ESR1: variants seen among roughly 807,000 people sequenced by gnomAD.
The protein encoded by ESR1 is estrogen receptor 1.
In ESR1, 12 loss-of-function variants were observed where a neutral mutation model predicts 52.7. The ratio of observed to expected loss-of-function variants is 0.23; its 90% CI spans 0.15 to 0.37. The LOEUF (loss-of-function observed/expected upper bound fraction) is 0.37. Among genes scored for constraint, ESR1 ranks in the 10% least tolerant of loss-of-function variants. The probability of loss-of-function intolerance (pLI) is 1.00; values close to 1 mark genes in which losing one functional copy is unlikely to be tolerated. For missense variants in ESR1, 584 were observed against 779.7 expected (o/e 0.75, Z 2.99); for synonymous variants, 305 against 316.8 (o/e 0.96, Z 0.39).
chr6:151,996,984 A>G (rs905099183), intron 4 of ESR1, among the ~76,000 whole-genome samples: 1 of 152,060 alleles, frequency 6.6e-6, no homozygotes, highest in African/African-American at 2.4e-5. Context: ...GTGTTATTCT[A>G]CTACTTCATC....
intron 5 of ESR1, among the ~76,000 whole-genome samples, chr6:152,027,306 G>A (rs919294766): frequency 1.9e-4 from 29 of 150,406 alleles, no homozygotes; most frequent in African/African-American, 6.9e-4. Flanking sequence ...TACATTATTA[G>A]AAGTTATAAT....
At chr6:151,911,444 TTC>T (rs1196623826) in intron 3 of ESR1, among the ~76,000 whole-genome samples, 10 of 152,218 alleles carry the variant, frequency 6.6e-5, no homozygotes, top group Non-Finnish European at 2.9e-5. Flanking sequence ...AGTTTTATAA[TTC>T]TGTTTTATTC....
intron 4 of ESR1, among the ~76,000 whole-genome samples, chr6:151,945,115 G>C (rs992748832): frequency 6.6e-6 from 1 of 152,100 alleles, no homozygotes; most frequent in Non-Finnish European, 1.5e-5. Context: ...TTATGGGGGA[G>C]GCCGAGGTGA....
chr6:151,861,969 T>C (rs1788973096), intron 2 of ESR1, among the ~76,000 whole-genome samples: 1 of 152,146 alleles, frequency 6.6e-6, no homozygotes, highest in African/African-American at 2.4e-5. Context: ...GAGAAAATGA[T>C]GTTATTATAA....
At chr6:151,804,469 C>T (rs1777580532), upstream of ESR1, 1 of 152,118 alleles carries the variant, frequency 6.6e-6, no homozygotes. Context: ...ACAGGAGGCA[C>T]CACTGTCACC....
At chr6:151,666,116 A>G (rs1777813365) in intron 1 of ESR1, among the ~76,000 whole-genome samples, 1 of 152,224 alleles carries the variant, frequency 6.6e-6, no homozygotes, top group Admixed American at 6.5e-5. Context: ...TTCATAAGTA[A>G]CTGGCATTCT....
rs79907805 is a variant in ESR1, at chr6:152,000,875, C to T, written c.1097-10781C>T. Among the ~76,000 whole-genome samples the T allele has an allele frequency of 7.9e-3, 1,201 of 151,998 alleles. 19 individuals carry two copies. Among genetic ancestry groups the T allele is most frequent in the African/African-American group, 0.027 (1,131 of 41,466 alleles). ...CAAGAGGCTTTGCAATCTTGAAGAC[C>T]GAATACATTTTTACTACTAAATGTA... On this transcript the variant is annotated intron_variant, in intron 4 of 7. Transcript: ENST00000206249.
chr6:151,998,721 A>G (rs9340952), intron 4 of ESR1, among the ~76,000 whole-genome samples: 358 of 152,246 alleles, frequency 2.4e-3, no homozygotes, highest in African/African-American at 7.5e-3. Context: ...GTTAATTCTC[A>G]TATGTTTGGT....
chr6:151,741,383 G>A (rs959354924), intron 2 of ESR1, among the ~76,000 whole-genome samples: 9 of 151,976 alleles, frequency 5.9e-5, no homozygotes, highest in East Asian at 3.9e-4. Flanking sequence ...GCTCTCTACC[G>A]AGGAGCGCAT....
chr6:151,686,423 C>T (rs529893375), upstream of ESR1, among the ~76,000 whole-genome samples: 28 of 152,238 alleles, frequency 1.8e-4, no homozygotes, highest in African/African-American at 6.0e-4. Flanking sequence ...CAGTGGCTCA[C>T]GCCTGTAATC....
At chr6:152,026,970 CTTT>C (rs34385133) in intron 5 of ESR1, among the ~76,000 whole-genome samples, 1 of 145,752 alleles carries the variant, frequency 6.9e-6, no homozygotes, top group African/African-American at 2.5e-5. Context: ...ATTCTTTTCT[CTTT>C]TTTTTTTTTT....
At chr6:151,957,788 C>G (rs1363852767) in intron 4 of ESR1, among the ~76,000 whole-genome samples, 1 of 152,194 alleles carries the variant, frequency 6.6e-6, no homozygotes, top group African/African-American at 2.4e-5. Context: ...CCACATATTA[C>G]AGAAAACCCC....
At position 152,111,353 on chromosome 6, in the gene ESR1, A is replaced by G. The variant is rs373791969; in HGVS notation, c.851-13913A>G. The stretch of plus-strand genomic sequence containing the variant: ...AGGCCAGGCTGGGTGCCTGGGATGC[A>G]CTCCAAAGTGGCAGACGCTAGGCCG... On this transcript the variant is annotated intron_variant, in intron 6 of 6. Transcript: ENST00000427531. Among the ~76,000 whole-genome samples the G allele has an allele frequency of 3.3e-5, 5 of 152,284 alleles. No individual in the cohort carries two copies. The East Asian group carries it at 9.7e-4, about 29-fold the overall frequency.
Position 151,808,371 on chromosome 6 carries a change from G to A in ESR1, c.452+7G>A, listed in dbSNP as rs753679333. On this transcript the variant is annotated splice_region_variant and intron_variant, in intron 1 of 7. Coordinates refer to ENST00000206249, the MANE Select transcript of ESR1 (RefSeq NM_000125.4). ...GCCCGCCGGCATTCTACAGGTACCC[G>A]CGCCCGCGCCGCCCGTCGGGGTGGC... 2 of 1,264,384 alleles carry A rather than the reference G, an allele frequency of 1.6e-6. No individual in the cohort carries two copies. The highest frequency in any genetic ancestry group is 2.0e-6 in the Non-Finnish European group (2 of 991,648). The allele number at this position is 1,264,384 out of a possible 1,614,324, so 78.3% of individuals were successfully genotyped here. A position where few individuals can be genotyped will look rare whatever the true frequency, so the allele number is the denominator to read the frequency against.
At chr6:151,717,061 C>T (rs1195631368) in intron 2 of ESR1, among the ~76,000 whole-genome samples, 6 of 152,176 alleles carry the variant, frequency 3.9e-5, no homozygotes, top group Admixed American at 1.3e-4. Context: ...GGCAGGAGTG[C>T]ACCGTTCCTT....
intron 4 of ESR1, among the ~76,000 whole-genome samples, chr6:151,998,719 T>A (rs2041705502): frequency 6.6e-6 from 1 of 152,170 alleles, no homozygotes. Context: ...GAGTTAATTC[T>A]CATATGTTTG....
chr6:151,955,104 C>T (rs138524250), intron 4 of ESR1, among the ~76,000 whole-genome samples: 222 of 152,228 alleles, frequency 1.5e-3, no homozygotes, highest in African/African-American at 5.0e-3. Context: ...AGAGATCTAC[C>T]TAAATAGATT....
intron 6 of ESR1, among the ~76,000 whole-genome samples, chr6:152,087,364 C>CA (rs1393118634): frequency 5.3e-5 from 8 of 152,178 alleles, no homozygotes; most frequent in Admixed American, 3.9e-4. Context: ...CCTCTTTATA[C>CA]AAACGTATTC....
rs144075233 is a variant in ESR1, at chr6:151,762,277, G to A, written c.-70-45566G>A. On this transcript the variant is annotated intron_variant, in intron 2 of 2. Transcript: ENST00000404742. ...ATGAGAAATAAACATTTACTAAGGT[G>A]TATGCATGTTTTTAGAACATCCATT... Among the ~76,000 whole-genome samples the A allele has an allele frequency of 1.6e-4, 24 of 152,352 alleles. No individual in the cohort carries two copies. The East Asian group carries it at 3.1e-3, about 20-fold the overall frequency.
Sources: allele counts gnomAD v4.1 joint callset (sites outside exome capture counted in the v4.1 genomes callset), GRCh38; gene constraint gnomAD v4.1.1; transcripts MANE v1.5; gene names NCBI Gene and HGNC (gene_info 2026-07-23, HGNC 2026-07-21).